NUP155: variants seen among roughly 807,000 people sequenced by gnomAD.
The protein encoded by NUP155 is nucleoporin 155.
NUP155 carries 71 observed loss-of-function variants against 180.4 expected under a neutral mutation model. That is an observed-to-expected ratio of 0.39 (90% CI 0.33 to 0.48). The LOEUF (loss-of-function observed/expected upper bound fraction) is 0.48, where lower values mean the gene tolerates loss of function less well. Among genes scored for constraint, NUP155 ranks in the 20% least tolerant of loss-of-function variants. NUP155 has a pLI of 0.91. For missense variants in NUP155, 1,553 were observed against 1,648.9 expected (o/e 0.94, Z 1.01); for synonymous variants, 582 against 559.5 (o/e 1.04, Z -0.57).
intron 1 of NUP155, among the ~76,000 whole-genome samples, chr5:37,368,866 A>C (rs1437039702): frequency 6.6e-6 from 1 of 152,112 alleles, no homozygotes; most frequent in Non-Finnish European, 1.5e-5. Context: ...CTAAAACATA[A>C]CTTTAATAGG....
intron 22 of NUP155, among the ~76,000 whole-genome samples, chr5:37,311,084 T>G (rs1743496380): frequency 6.6e-6 from 1 of 152,182 alleles, no homozygotes; most frequent in South Asian, 2.1e-4. Context: ...TACATATTAC[T>G]CCTTCCTAAA....
chr5:37,350,994 A>G (rs1379748141), intron 6 of NUP155, among the ~76,000 whole-genome samples, 196 bp downstream of exon 6: 2 of 152,158 alleles, frequency 1.3e-5, no homozygotes, highest in Admixed American at 1.3e-4. Context: ...ACATACATAG[A>G]ATAATGACTT....
chr5:37,361,801 C>G (rs1317243041), intron 3 of NUP155, among the ~76,000 whole-genome samples: 1 of 152,112 alleles, frequency 6.6e-6, no homozygotes, highest in Non-Finnish European at 1.5e-5. Flanking sequence ...TGAACACACA[C>G]TGCTATGGAT....
intron 4 of NUP155, among the ~76,000 whole-genome samples, chr5:37,353,240 A>T (rs1424285145): frequency 4.0e-5 from 6 of 151,572 alleles, no homozygotes; most frequent in African/African-American, 9.7e-5. Flanking sequence ...TAGATGCATT[A>T]AAAAAAATGA....
At chr5:37,330,813 T>C (rs1744906566) in intron 14 of NUP155, among the ~76,000 whole-genome samples, 3 of 152,138 alleles carry the variant, frequency 2.0e-5, no homozygotes, top group Non-Finnish European at 4.4e-5. Flanking sequence ...ATTTATCATA[T>C]AACCTGAACA....
chr5:37,364,077 TCACAATGTGTC>T, intron 2 of NUP155, 93 bp from the exon 3 acceptor site: 1 of 1,161,576 alleles, frequency 8.6e-7, no homozygotes, highest in Non-Finnish European at 1.3e-6. Flanking sequence ...ACGTAAAAAA[TCACAATGTGTC>T]CACTCTTTAA....
At chr5:37,293,607 C>A (rs1391818379) in intron 33 of NUP155, among the ~76,000 whole-genome samples, 1 of 152,160 alleles carries the variant, frequency 6.6e-6, no homozygotes, top group Non-Finnish European at 1.5e-5. Context: ...AACATATAGT[C>A]TGATAAGGTT....
At chr5:37,329,984 A>T (rs1345072203) in intron 15 of NUP155, 54 bp downstream of exon 15, 3 of 1,232,042 alleles carry the variant, frequency 2.4e-6, no homozygotes, top group East Asian at 2.4e-5. Flanking sequence ...AAATCATTTT[A>T]AAAAGTGGCC....
chr5:37,352,328 A>G (rs1746517746), intron 5 of NUP155, among the ~76,000 whole-genome samples: 1 of 152,086 alleles, frequency 6.6e-6, no homozygotes, highest in African/African-American at 2.4e-5. Flanking sequence ...ACTACACTCC[A>G]GCCCGGGCGA....
In NUP155 at chr5:37,291,867, GAT is replaced by G; in HGVS notation, c.*31_*32del. 13 of 1,604,236 alleles carry G rather than the reference GAT, an allele frequency of 8.1e-6. No individual in the cohort carries two copies. Among genetic ancestry groups the G allele is most frequent in the Non-Finnish European group, 1.1e-5 (13 of 1,171,404 alleles). On this transcript the variant is annotated 3_prime_UTR_variant, in exon 35 of 35. Coordinates refer to ENST00000231498, the MANE Select transcript of NUP155 (RefSeq NM_153485.3). ...GACCCAGCTGAGTTTTTATTTTACAGATCATAAAACGGATGAAAGTATATCAC... is the reference window on the plus strand; with the variant it reads ...GACCCAGCTGAGTTTTTATTTTACAGCATAAAACGGATGAAAGTATATCAC...
At chr5:37,295,780 T>C (rs1296087663) in intron 32 of NUP155, among the ~76,000 whole-genome samples, 3 of 141,560 alleles carry the variant, frequency 2.1e-5, no homozygotes, top group Non-Finnish European at 3.1e-5. Context: ...GCAACCGCCC[T>C]GTCTGAGAAG....
At chr5:37,317,936 T>C in intron 21 of NUP155, 52 bp downstream of exon 21, 1 of 948,020 alleles carries the variant, frequency 1.1e-6, no homozygotes, top group Non-Finnish European at 1.7e-6. Context: ...ATTCAAGTAA[T>C]AAAATTTTAC....
intron 22 of NUP155, among the ~76,000 whole-genome samples, chr5:37,312,787 G>A (rs1289616725): frequency 6.6e-6 from 1 of 152,002 alleles, no homozygotes; most frequent in Non-Finnish European, 1.5e-5. Flanking sequence ...CCGTGATCAT[G>A]CCACTGCACT....
At chr5:37,318,550 A>G (rs1744051156) in intron 20 of NUP155, among the ~76,000 whole-genome samples, 1 of 152,210 alleles carries the variant, frequency 6.6e-6, no homozygotes, top group Non-Finnish European at 1.5e-5. Context: ...ATGATGCTCA[A>G]AGGAAATGCG....
chr5:37,330,776 A>C (rs1744904969), intron 14 of NUP155, among the ~76,000 whole-genome samples: 1 of 152,146 alleles, frequency 6.6e-6, no homozygotes, highest in South Asian at 2.1e-4. Context: ...CTTGTCCCTA[A>C]ATGTCTTGTG....
At chr5:37,295,174 G>A (rs1309586464) in intron 32 of NUP155, among the ~76,000 whole-genome samples, 1 of 152,086 alleles carries the variant, frequency 6.6e-6, no homozygotes, top group Admixed American at 6.6e-5. Context: ...AGCCTGCCGA[G>A]TGCCTGCGAT....
chr5:37,324,155 A>T (rs1440637153), intron 19 of NUP155, 48 bp from the exon 20 acceptor site: 3 of 1,064,710 alleles, frequency 2.8e-6, no homozygotes, highest in Non-Finnish European at 4.4e-6. Flanking sequence ...CACCCTCTGT[A>T]TAGCTATAAT....
At chr5:37,360,860 GGA>G (rs1426661364) in intron 3 of NUP155, among the ~76,000 whole-genome samples, 2 of 152,020 alleles carry the variant, frequency 1.3e-5, no homozygotes, top group Non-Finnish European at 1.5e-5. Flanking sequence ...CAAAAAACAG[GGA>G]GATAGAGACA....
intron 24 of NUP155, 39 bp downstream of exon 24, chr5:37,309,090 G>C (rs767138530): frequency 1.2e-6 from 2 of 1,601,200 alleles, no homozygotes; most frequent in Non-Finnish European, 1.7e-6. Flanking sequence ...TTTGTCTTTT[G>C]AGTTGAGTAA....
Sources: allele counts gnomAD v4.1 joint callset (sites outside exome capture counted in the v4.1 genomes callset), GRCh38; gene constraint gnomAD v4.1.1; transcripts MANE v1.5; gene names NCBI Gene and HGNC (gene_info 2026-07-23, HGNC 2026-07-21).